SMOC2: variants seen among roughly 807,000 people sequenced by gnomAD.
SMOC2 encodes the protein SPARC-related modular calcium-binding protein 2.
A neutral mutation model predicts 61.4 loss-of-function variants in SMOC2; 39 were observed. That is an observed-to-expected ratio of 0.64 (90% confidence interval 0.49 to 0.83). The LOEUF (loss-of-function observed/expected upper bound fraction) is 0.83, where lower values mean the gene tolerates loss of function less well. Among genes scored for constraint, SMOC2 ranks in the 40% least tolerant of loss-of-function variants. The pLI, the probability that SMOC2 is intolerant of heterozygous loss-of-function variation, is 0.00. For synonymous variants in SMOC2, 247 were observed against 239.9 expected (o/e 1.03, Z -0.27); for missense variants, 556 against 592.9 (o/e 0.94, Z 0.65).
chr6:168,479,129 G>T (rs1398822291), intron 1 of SMOC2, among the ~76,000 whole-genome samples: 1 of 151,428 alleles, frequency 6.6e-6, no homozygotes, highest in Non-Finnish European at 1.5e-5. Context: ...TATGGTATCT[G>T]GTCTGGAACA....
chr6:168,469,504 G>A (rs1781921425), intron 1 of SMOC2, among the ~76,000 whole-genome samples: 1 of 152,180 alleles, frequency 6.6e-6, no homozygotes, highest in African/African-American at 2.4e-5. Context: ...AGAGGGTCAG[G>A]GTTTGAATAC....
At chr6:168,456,590 C>T (rs1206942895) in intron 1 of SMOC2, among the ~76,000 whole-genome samples, 1 of 152,228 alleles carries the variant, frequency 6.6e-6, no homozygotes, top group East Asian at 1.9e-4. Flanking sequence ...TCAGCAACCC[C>T]AGTGCCGAAG....
Position 168,509,907 on chromosome 6 carries a change from CCTT to C in SMOC2, c.85-7_85-5del. Reference sequence around the variant, plus strand: ...AAATTTGTCTGGCTTCTTTTTTTCTCCTTTAAGTTTTTGAGAGTGGATCAAGAT... The same window carrying C: ...AAATTTGTCTGGCTTCTTTTTTTCTCTAAGTTTTTGAGAGTGGATCAAGAT... On this transcript the variant is annotated splice_polypyrimidine_tract_variant and splice_region_variant and intron_variant, in intron 1 of 12. Coordinates refer to ENST00000356284, the MANE Select transcript of SMOC2 (RefSeq NM_001166412.2). 1 of 1,580,942 alleles carries C rather than the reference CCTT, an allele frequency of 6.3e-7. No individual in the cohort carries two copies. Among genetic ancestry groups the C allele is most frequent in the Non-Finnish European group, 8.6e-7 (1 of 1,158,718 alleles).
chr6:168,571,592 G>T (rs1583120786), intron 7 of SMOC2, among the ~76,000 whole-genome samples: 1 of 152,316 alleles, frequency 6.6e-6, no homozygotes, highest in Middle Eastern at 3.4e-3. Context: ...ACCAAACCGA[G>T]TTCTGAGGAA....
At position 168,554,341 on chromosome 6, in the gene SMOC2, G is replaced by GTGTC. The variant is rs1379307423; in HGVS notation, c.637+5139_637+5142dup. ...TCCATCAATTAATTAACACCTTGGG[G>GTGTC]TGTCCTACTACTATTATACAGAGCA... On this transcript the variant is annotated intron_variant, in intron 7 of 12. Coordinates refer to ENST00000356284, the MANE Select transcript of SMOC2 (RefSeq NM_001166412.2). Among the ~76,000 whole-genome samples the GTGTC allele has an allele frequency of 2.0e-5, 3 of 152,234 alleles. 1 individual carries two copies. Among genetic ancestry groups the GTGTC allele is most frequent in the Admixed American group, 2.0e-4 (3 of 15,292 alleles).
Position 168,511,715 on chromosome 6 carries a change from G to A in SMOC2, c.256+1629G>A, listed in dbSNP as rs575142041. Among the ~76,000 whole-genome samples the A allele has an allele frequency of 6.8e-4, 103 of 151,892 alleles. 1 individual carries two copies. Among genetic ancestry groups the A allele is most frequent in the African/African-American group, 2.0e-3 (83 of 41,406 alleles). ...AAACTCAACCCCTATGCATTTATCT[G>A]CCAGCAGTGTGCACAGACTCCGGAT... On this transcript the variant is annotated intron_variant, in intron 2 of 12. Coordinates refer to ENST00000356284, the MANE Select transcript of SMOC2 (RefSeq NM_001166412.2).
chr6:168,490,495 G>A (rs1782450365), intron 1 of SMOC2, among the ~76,000 whole-genome samples: 2 of 152,120 alleles, frequency 1.3e-5, no homozygotes, highest in East Asian at 1.9e-4. Context: ...TGGCCTGCAC[G>A]CCCACCCATC....
chr6:168,491,609 T>C (rs1329026252), intron 1 of SMOC2, among the ~76,000 whole-genome samples: 9 of 152,214 alleles, frequency 5.9e-5, no homozygotes, highest in Non-Finnish European at 1.0e-4. Flanking sequence ...TTATTGATAA[T>C]AACAATAAAC....
At chr6:168,463,121 C>G (rs963629797) in intron 1 of SMOC2, among the ~76,000 whole-genome samples, 1 of 152,216 alleles carries the variant, frequency 6.6e-6, no homozygotes. Context: ...GTGACAGGGG[C>G]TCTGCTCCCA....
At chr6:168,647,821 C>T (rs1042354340) in intron 9 of SMOC2, among the ~76,000 whole-genome samples, 6 of 152,070 alleles carry the variant, frequency 3.9e-5, no homozygotes, top group African/African-American at 9.7e-5. Context: ...TACAGTCGTC[C>T]GTCATCAGTA....
At chr6:168,542,702 C>T (rs1327797331) in intron 4 of SMOC2, among the ~76,000 whole-genome samples, 1 of 152,156 alleles carries the variant, frequency 6.6e-6, no homozygotes, top group East Asian at 1.9e-4. Context: ...CTTGAAGTTA[C>T]TCCGTTTTCT....
chr6:168,554,253 C>T lies in SMOC2; in HGVS notation c.637+5050C>T, dbSNP rs539906555. Among the ~76,000 whole-genome samples, 3 of 152,342 alleles carry T rather than the reference C, an allele frequency of 2.0e-5. No individual in the cohort carries two copies. The South Asian group carries it at 6.2e-4, about 32-fold the overall frequency. On this transcript the variant is annotated intron_variant, in intron 7 of 12. Coordinates refer to ENST00000356284, the MANE Select transcript of SMOC2 (RefSeq NM_001166412.2). Reference sequence around the variant, plus strand: ...ACAAGACAGGAGGACCAGATAAGCCCCATCATGTGATACTTACTCTATGCA... The same window carrying T: ...ACAAGACAGGAGGACCAGATAAGCCTCATCATGTGATACTTACTCTATGCA...
At chr6:168,563,020 C>T (rs980518374) in intron 7 of SMOC2, among the ~76,000 whole-genome samples, 1 of 152,236 alleles carries the variant, frequency 6.6e-6, no homozygotes, top group African/African-American at 2.4e-5. Context: ...AGTGGAGACT[C>T]GCTGTGTGCC....
intron 1 of SMOC2, among the ~76,000 whole-genome samples, chr6:168,507,229 A>G (rs1258306259): frequency 6.6e-6 from 1 of 152,232 alleles, no homozygotes; most frequent in Non-Finnish European, 1.5e-5. Context: ...CAGGAAATAC[A>G]TAGAGACCAC....
chr6:168,507,601 C>A (rs1413262847), intron 1 of SMOC2, among the ~76,000 whole-genome samples: 1 of 152,230 alleles, frequency 6.6e-6, no homozygotes, highest in Non-Finnish European at 1.5e-5. Flanking sequence ...CGGGGCGCCC[C>A]CCACTGCTGG....
intron 9 of SMOC2, among the ~76,000 whole-genome samples, chr6:168,643,851 G>A (rs950045292): frequency 3.9e-5 from 6 of 152,198 alleles, no homozygotes; most frequent in African/African-American, 1.2e-4. Context: ...AGGCCACAGT[G>A]TGGTGCTGAG....
At chr6:168,527,104 G>A in intron 3 of SMOC2, among the ~76,000 whole-genome samples, 1 of 152,242 alleles carries the variant, frequency 6.6e-6, no homozygotes, top group East Asian at 1.9e-4. Flanking sequence ...ATTGGGTGAT[G>A]ATGTGAGTTC....
chr6:168,490,703 G>A (rs1255032518), intron 1 of SMOC2, among the ~76,000 whole-genome samples: 1 of 152,342 alleles, frequency 6.6e-6, no homozygotes, highest in East Asian at 1.9e-4. Context: ...CACCTGCCAT[G>A]ATGCCAGGGC....
chr6:168,588,592 T>A (rs1186824185), intron 7 of SMOC2, among the ~76,000 whole-genome samples: 1 of 152,224 alleles, frequency 6.6e-6, no homozygotes, highest in Non-Finnish European at 1.5e-5. Context: ...CAGTGCAGAT[T>A]CTGTGTGACA....
Sources: allele counts gnomAD v4.1 joint callset (sites outside exome capture counted in the v4.1 genomes callset), GRCh38; gene constraint gnomAD v4.1.1; transcripts MANE v1.5; gene names NCBI Gene and HGNC (gene_info 2026-07-23, HGNC 2026-07-21).